The following PODNL1 variants were observed in gnomAD, a reference collection of about 807,000 sequenced individuals.
PODNL1 encodes podocan like 1.
PODNL1 carries 50 observed loss-of-function variants against 45.1 expected under a neutral mutation model. That is an observed-to-expected ratio of 1.11 (90% CI 0.88 to 1.40). PODNL1 has a LOEUF of 1.40. Among genes scored for constraint, PODNL1 ranks in the 40% most tolerant of loss-of-function variants. PODNL1 has a pLI of 0.00. For missense variants in PODNL1, 788 were observed against 793.3 expected (o/e 0.99, Z 0.08); for synonymous variants, 406 against 372.5 (o/e 1.09, Z -1.04).
Position 13,938,021 on chromosome 19 carries a change from G to A in PODNL1, c.4-15C>T. On this transcript the variant is annotated splice_polypyrimidine_tract_variant and intron_variant, in intron 1 of 9. Transcript: ENST00000588872. ...AGGCTCGGCCACTGCGGGGGAGGGA[G>A]GGTCAGCGTGTCTCCAGGCTGGGCG... The A allele has an allele frequency of 6.7e-7, 1 of 1,494,968 alleles. No homozygotes were observed. Among genetic ancestry groups the A allele is most frequent in the Non-Finnish European group, 9.0e-7 (1 of 1,108,276 alleles). The allele number at this position is 1,494,968 out of a possible 1,614,324, so 92.6% of individuals were successfully genotyped here. A position where few individuals can be genotyped will look rare whatever the true frequency, so the allele number is the denominator to read the frequency against.
upstream of PODNL1, among the ~76,000 whole-genome samples, chr19:13,942,905 G>A (rs1256750284): frequency 6.6e-6 from 1 of 152,104 alleles, no homozygotes; most frequent in African/African-American, 2.4e-5. Context: ...GGAGGCTGAG[G>A]CAGGAGAATC....
Position 13,936,365 on chromosome 19 carries a change from A to T in PODNL1, c.319+2T>A, listed in dbSNP as rs756575343. 6.2e-7 allele frequency: 1 copy of T among 1,610,902 alleles called. No homozygotes were observed. Among genetic ancestry groups the T allele is most frequent in the South Asian group, 1.1e-5 (1 of 91,000 alleles). On this transcript the variant is annotated splice_donor_variant, in intron 3 of 9. Coordinates refer to ENST00000588872, the MANE Select transcript of PODNL1 (RefSeq NM_001370095.3). LOFTEE classifies it high-confidence loss of function. The stretch of plus-strand genomic sequence containing the variant: ...AGAGGCCGCCTCCCTCTGCCCCCTC[A>T]CCTTCGGAGGAGATGAGGTTGTTGT...
intron 1 of PODNL1, chr19:13,952,975 C>A: frequency 9.7e-7 from 1 of 1,034,428 alleles, no homozygotes; most frequent in South Asian, 1.5e-5. Flanking sequence ...CCAGGCTTTT[C>A]AAAGCTCTGC....
intron 1 of PODNL1, among the ~76,000 whole-genome samples, chr19:13,951,918 A>C (rs975251807): frequency 4.6e-5 from 7 of 152,232 alleles, no homozygotes; most frequent in Admixed American, 4.6e-4. Flanking sequence ...TGTCTGTCAC[A>C]TGTGGAGCGA....
rs1971939035 is a variant in PODNL1, at chr19:13,931,502, C to A, written c.*235G>T. On this transcript the variant is annotated 3_prime_UTR_variant, in exon 10 of 10. Coordinates refer to ENST00000588872, the MANE Select transcript of PODNL1 (RefSeq NM_001370095.3). ...GAAGGGTTTGGCTTTATTGTTGCTG[C>A]CTCCATCTGTGTTGGGAGTTTGGGG... 2.4e-6 allele frequency: 1 copy of A among 409,336 alleles called. No individual in the cohort carries two copies. Among genetic ancestry groups the A allele is most frequent in the African/African-American group, 2.0e-5 (1 of 48,782 alleles). The allele number at this position is 409,336 out of a possible 1,614,324, so 25.4% of individuals were successfully genotyped here.
In PODNL1 at chr19:13,947,601, C is replaced by T. The variant is rs548006245; in HGVS notation, c.18+5518G>A. Among the ~76,000 whole-genome samples, 26 of 151,928 alleles carry T rather than the reference C, an allele frequency of 1.7e-4. 1 individual carries two copies. Among genetic ancestry groups the T allele is most frequent in the Non-Finnish European group, 3.8e-4 (26 of 67,974 alleles). On this transcript the variant is annotated intron_variant, in intron 1 of 7. Coordinates refer to the PODNL1 transcript ENST00000538371. ...CTGCCCCATCATCTGGTGTCAGAAGCGAAGGATTGAGAGTGATGTGATATA... is the reference window on the plus strand; with the variant it reads ...CTGCCCCATCATCTGGTGTCAGAAGTGAAGGATTGAGAGTGATGTGATATA...
chr19:13,953,026 G>T, intron 1 of PODNL1: 1 of 1,404,800 alleles, frequency 7.1e-7, no homozygotes, highest in Non-Finnish European at 9.9e-7. Context: ...CGCCCCCTTT[G>T]CAGAGCCCCT....
chr19:13,953,094 A>G lies in PODNL1; in HGVS notation c.18+25T>C, dbSNP rs1414273490. 4 of 1,550,544 alleles carry G rather than the reference A, an allele frequency of 2.6e-6. No individual in the cohort carries two copies. The African/African-American group carries it at 5.5e-5, about 21-fold the overall frequency. Reference sequence around the variant, plus strand: ...TCCTCTCCCTGCCCAAGCCCCGACCACACATGAGCTGGGAGTTCCAGTACC... The same window carrying G: ...TCCTCTCCCTGCCCAAGCCCCGACCGCACATGAGCTGGGAGTTCCAGTACC... On this transcript the variant is annotated intron_variant, in intron 1 of 7. Transcript: ENST00000538371.
intron 1 of PODNL1, among the ~76,000 whole-genome samples, chr19:13,951,161 A>C (rs1348318172): frequency 6.6e-6 from 1 of 151,616 alleles, no homozygotes; most frequent in Non-Finnish European, 1.5e-5. Flanking sequence ...AACCCTTGAA[A>C]TCAGCTGGGC....
Position 13,933,243 on chromosome 19 carries a change from C to T in PODNL1, c.980G>A (p.Arg327Gln), listed in dbSNP as rs772160187. ...CAGCGTGTGCAGGCCCCGCAGCGGC[C>T]GCAGAGCCCCGGCGGGCAGCCCTGA... ...GSSGLPAGALRPLRGLHTLHL... is the reference protein window; with the variant it reads ...GSSGLPAGALQPLRGLHTLHL... Residue 327 changes from arginine to glutamine, a missense_variant, in exon 8 of 10, where the codon CGG (arginine) becomes CAG (glutamine). By Grantham distance (43) the Arg-to-Gln change is conservative (BLOSUM62 1). Transcript: ENST00000588872. The surrounding 1 kb of genome is among the most constrained non-coding windows in gnomAD (Gnocchi z 5.2). 1.6e-5 allele frequency: 24 copies of T among 1,545,634 alleles called. No individual in the cohort carries two copies. The highest frequency in any genetic ancestry group is 2.0e-5 in the Non-Finnish European group (23 of 1,150,730).
chr19:13,934,414 A>C lies in PODNL1; in HGVS notation c.495-4T>G, dbSNP rs1401321182. Reference sequence around the variant, plus strand: ...GTTGTTGTGGAGGTACACGGACCTGAGGAGAGCCAGGCTCCGGCCACCAGC... The same window carrying C: ...GTTGTTGTGGAGGTACACGGACCTGCGGAGAGCCAGGCTCCGGCCACCAGC... On this transcript the variant is annotated splice_region_variant and splice_polypyrimidine_tract_variant and intron_variant, in intron 5 of 9. Coordinates refer to ENST00000588872, the MANE Select transcript of PODNL1 (RefSeq NM_001370095.3). The C allele has an allele frequency of 1.3e-6, 2 of 1,509,172 alleles. No homozygotes were observed. The highest frequency in any genetic ancestry group is 4.6e-5 in the Admixed American group (2 of 43,914). 93.5% of individuals were successfully genotyped at this position (1,509,172 alleles called of 1,614,324 possible). A position where few individuals can be genotyped will look rare whatever the true frequency, so the allele number is the denominator to read the frequency against.
chr19:13,945,793 G>A (rs1972796091), intron 1 of PODNL1, among the ~76,000 whole-genome samples: 1 of 151,582 alleles, frequency 6.6e-6, no homozygotes, highest in Non-Finnish European at 1.5e-5. Flanking sequence ...TGTTGTAGAG[G>A]CAGGAGAATC....
At chr19:13,941,510 G>A (rs1972655476), upstream of PODNL1, among the ~76,000 whole-genome samples, 1 of 151,906 alleles carries the variant, frequency 6.6e-6, no homozygotes, top group Admixed American at 6.6e-5. Context: ...GGGGAGGGAG[G>A]AAGTGATCAA....
upstream of PODNL1, among the ~76,000 whole-genome samples, chr19:13,943,407 C>T (rs978025449): frequency 1.3e-5 from 2 of 152,170 alleles, no homozygotes; most frequent in African/African-American, 4.8e-5. Flanking sequence ...TCACCCTAAT[C>T]TCTGCCTCAG....
chr19:13,934,103 G>T (rs773451759), intron 6 of PODNL1, 110 bp from the exon 7 acceptor site: 14 of 1,382,282 alleles, frequency 1.0e-5, no homozygotes, highest in Non-Finnish European at 1.3e-5. Flanking sequence ...AGCTCAAAGC[G>T]ATTTCCAATA....
chr19:13,936,297 A>T lies in PODNL1; in HGVS notation c.319+70T>A, dbSNP rs746885031. 7.6e-5 allele frequency: 105 copies of T among 1,386,618 alleles called. 1 individual carries two copies. Among genetic ancestry groups the T allele is most frequent in the Middle Eastern group, 2.4e-4 (1 of 4,252 alleles). 85.9% of individuals were successfully genotyped at this position (1,386,618 alleles called of 1,614,324 possible). A position where few individuals can be genotyped will look rare whatever the true frequency, so the allele number is the denominator to read the frequency against. ...GAGCTGCCCGCAGATGGGGCGGGGGAGGGGGATGGCAGCTGAGACCTCGGT... is the reference window on the plus strand; with the variant it reads ...GAGCTGCCCGCAGATGGGGCGGGGGTGGGGGATGGCAGCTGAGACCTCGGT... On this transcript the variant is annotated intron_variant, in intron 3 of 9. Transcript: ENST00000588872.
Position 13,933,338 on chromosome 19 carries a change from C to T in PODNL1, c.885G>A (p.Val295=). 6.2e-7 allele frequency: 1 copy of T among 1,605,352 alleles called. No homozygotes were observed. Residue 295 remains valine, a synonymous_variant, in exon 8 of 10, where the codon GTG becomes GTA. Transcript: ENST00000588872. This position sits in a 1 kb window ranked among gnomAD's most constrained non-coding sequence, Gnocchi z 5.2. ...LHLGRNRIRQ[V]EAARLHGARG... ...GCGCCCCGTGCAGCCGAGCCGCCTC[C>T]ACCTGCCGGATGCGGTTGCGGCCCA... is the stretch of plus-strand genomic sequence containing the variant.
In PODNL1 at chr19:13,935,728, C is replaced by A; in HGVS notation, c.487G>T (p.Ala163Ser). 6.4e-7 allele frequency: 1 copy of A among 1,564,696 alleles called. No homozygotes were observed. The highest frequency in any genetic ancestry group is 8.6e-7 in the Non-Finnish European group (1 of 1,159,434). The change falls in exon 5 of 10, where the codon GCA (alanine) becomes TCA (serine). Residue 163 changes from alanine (A) to serine (S), a missense_variant. This residue lies in a region of PODNL1 where 762 missense variants were observed against 750.9 expected (regional missense o/e 1.01). Coordinates refer to ENST00000588872, the MANE Select transcript of PODNL1 (RefSeq NM_001370095.3). ...GGCTGGGCCAGGGTCTACCTGAGTG[C>A]CGGCTTCTCCCCAAAGGTGAGGGGG... ...IFPLTFGEKP[A>S]LRSVYLHNNQ...
rs772319918 is a variant in PODNL1, at chr19:13,935,840, C to G, written c.385-10G>C. 3 of 1,595,998 alleles carry G rather than the reference C, an allele frequency of 1.9e-6. No individual in the cohort carries two copies. Among genetic ancestry groups the G allele is most frequent in the Non-Finnish European group, 2.6e-6 (3 of 1,171,926 alleles). On this transcript the variant is annotated splice_polypyrimidine_tract_variant and intron_variant, in intron 4 of 9. Coordinates refer to ENST00000588872, the MANE Select transcript of PODNL1 (RefSeq NM_001370095.3). ...GAGGGGCCACTGAGAGCTGTGGGGA[C>G]ACAGCCCACAGCCGGACTGGTCCTG...
Sources: gnomAD v4.1 joint callset for allele counts (sites outside exome capture counted in the v4.1 genomes callset) on GRCh38, gnomAD v4.1.1 for gene constraint, gnomAD v4.1.1 regional missense constraint, Gnocchi (gnomAD v3.1) non-coding constraint, MANE v1.5 for transcripts, NCBI Gene and HGNC (gene_info 2026-07-23, HGNC 2026-07-21) for gene names.